Variants in ICA1 observed in about 807,000 individuals in gnomAD.
ICA1 encodes 69 kDa islet cell autoantigen.
Under a neutral mutation model 71.0 loss-of-function variants are expected in ICA1, and 40 were observed. The ratio of observed to expected loss-of-function variants is 0.56; its 90% CI spans 0.44 to 0.73. The LOEUF (loss-of-function observed/expected upper bound fraction) is 0.73, where lower values mean the gene tolerates loss of function less well. Ranked by LOEUF, ICA1 falls within the 30% of genes least tolerant of loss-of-function variation. The pLI is 0.00. For synonymous variants in ICA1, 207 were observed against 209.5 expected (o/e 0.99, Z 0.10); for missense variants, 578 against 576.5 (o/e 1.00, Z -0.03).
At chr7:8,178,334 C>T (rs549618101) in intron 6 of ICA1, among the ~76,000 whole-genome samples, 1 of 152,170 alleles carries the variant, frequency 6.6e-6, no homozygotes, top group Non-Finnish European at 1.5e-5. Context: ...TATTACCTCA[C>T]AAGACACTTA....
rs571615865 is a variant in ICA1 at position 8,232,597 on chromosome 7, T to C, written c.176A>G (p.Lys59Arg). ...CAGCAATAAAGAGCTCACCTCTAGC[T>C]TGGCATCCAGGTCCGCGTCAGAGGC... ...VVASDADLDA[K>R]LELFHSIQRT... Residue 59 changes from lysine to arginine, a missense_variant, in exon 3 of 14, where the codon AAG (lysine) becomes AGG (arginine). Transcript: ENST00000402384. The C allele has an allele frequency of 3.4e-5, 54 of 1,610,512 alleles. 1 individual carries two copies. The South Asian group carries it at 5.5e-4, about 17-fold the overall frequency.
At chr7:8,178,101 C>T (rs1781137605) in intron 6 of ICA1, among the ~76,000 whole-genome samples, 1 of 152,182 alleles carries the variant, frequency 6.6e-6, no homozygotes, top group Non-Finnish European at 1.5e-5. Flanking sequence ...TACAATCTTC[C>T]AGCTCATCAA....
intron 6 of ICA1, among the ~76,000 whole-genome samples, chr7:8,172,117 G>A (rs1331898650): frequency 1.3e-5 from 2 of 152,024 alleles, no homozygotes; most frequent in African/African-American, 4.8e-5. Flanking sequence ...TGAAGTCAAG[G>A]TAGCTGACAG....
intron 6 of ICA1, among the ~76,000 whole-genome samples, chr7:8,169,901 A>AGTGTGT (rs58794085): frequency 0.053 from 7,819 of 147,044 alleles, 584 homozygotes; most frequent in African/African-American, 0.17. Context: ...TTAATGCCTG[A>AGTGTGT]GTGTGTGTGT....
rs972437245 is a variant in ICA1, at chr7:8,132,171, T to C, written c.1061-4029A>G. Among the ~76,000 whole-genome samples, 8 of 152,212 alleles carry C rather than the reference T, an allele frequency of 5.3e-5. No individual in the cohort carries two copies. The highest frequency in any genetic ancestry group is 1.0e-4 in the Non-Finnish European group (7 of 68,042). On this transcript the variant is annotated intron_variant, in intron 12 of 13. Coordinates refer to ENST00000402384, the MANE Select transcript of ICA1 (RefSeq NM_001136020.3). The surrounding 1 kb of genome is among the most constrained non-coding windows in gnomAD (Gnocchi z 4.5). Reference sequence around the variant, plus strand: ...ACTCACATCCTCACCTGTCTCCAACTCCGTGACCTTGCAGGCATTGCCTCT... The same window carrying C: ...ACTCACATCCTCACCTGTCTCCAACCCCGTGACCTTGCAGGCATTGCCTCT...
intron 6 of ICA1, among the ~76,000 whole-genome samples, chr7:8,164,155 A>C (rs115317048): frequency 0.016 from 2,479 of 151,860 alleles, 54 homozygotes; most frequent in African/African-American, 0.057. Context: ...AAATACAAAA[A>C]TTTGATAGTG....
chr7:8,240,430 C>T (rs991047283), intron 1 of ICA1, among the ~76,000 whole-genome samples: 2 of 152,220 alleles, frequency 1.3e-5, no homozygotes, highest in African/African-American at 2.4e-5. Context: ...ACATCAAAGA[C>T]CAAGGGTAGA....
chr7:8,203,994 G>A (rs917267903), intron 6 of ICA1, among the ~76,000 whole-genome samples: 1 of 151,966 alleles, frequency 6.6e-6, no homozygotes, highest in Admixed American at 6.6e-5. Context: ...CCAGAATAAG[G>A]TAGAACAGAA....
At chr7:8,163,222 C>G (rs1804571781) in intron 6 of ICA1, among the ~76,000 whole-genome samples, 1 of 152,172 alleles carries the variant, frequency 6.6e-6, no homozygotes, top group South Asian at 2.1e-4. Context: ...AACTCTTAGC[C>G]CCAAATTGAA....
rs1044025176 is a variant in ICA1, at chr7:8,132,317, G to T, written c.1061-4175C>A. 1.3e-5 allele frequency among the ~76,000 whole-genome samples: 2 copies of T among 151,920 alleles called. No individual in the cohort carries two copies. Among genetic ancestry groups the T allele is most frequent in the Non-Finnish European group, 2.9e-5 (2 of 68,006 alleles). ...TTTCCAATGCTTCCTTCCCCTAGCC[G>T]CAGGAGATGTGTGCCTATCTCAACA... is the stretch of plus-strand genomic sequence containing the variant. On this transcript the variant is annotated intron_variant, in intron 12 of 13. Transcript: ENST00000402384. The surrounding 1 kb of genome is among the most constrained non-coding windows in gnomAD (Gnocchi z 4.5).
intron 6 of ICA1, among the ~76,000 whole-genome samples, chr7:8,172,145 G>T (rs1808599433): frequency 6.6e-6 from 1 of 151,938 alleles, no homozygotes; most frequent in African/African-American, 2.4e-5. Flanking sequence ...TATCCTTATT[G>T]ATTTCTGTCT....
rs760571120 is a variant in ICA1, at chr7:8,228,650, G to A, written c.207C>T (p.Thr69=). The change falls in exon 4 of 14, where the codon ACC becomes ACT. Residue 69 remains threonine (T), a synonymous_variant. Transcript: ENST00000402384. ...KLELFHSIQR[T]CLDLSKAIVL... ...CAATTGCTTTCGATAAGTCCAGACA[G>A]GTTCTCTGAATTGAATGAAACAGCT... 6.3e-7 allele frequency: 1 copy of A among 1,599,792 alleles called. No individual in the cohort carries two copies. Among genetic ancestry groups the A allele is most frequent in the Non-Finnish European group, 8.5e-7 (1 of 1,172,884 alleles).
At chr7:8,154,651 A>T (rs1219457415) in intron 8 of ICA1, among the ~76,000 whole-genome samples, 1 of 152,218 alleles carries the variant, frequency 6.6e-6, no homozygotes, top group Non-Finnish European at 1.5e-5. Flanking sequence ...CAAAATGGCC[A>T]TTATCAACAC....
chr7:8,135,282 C>T lies in ICA1; in HGVS notation c.1060+3558G>A, dbSNP rs559039320. On this transcript the variant is annotated intron_variant, in intron 12 of 13. Transcript: ENST00000402384. Reference sequence around the variant, plus strand: ...CCTCAAGTGATCCGCCCATCTTGTCCTCCCAAAGTGCTGGGATTACAAGTG... The same window carrying T: ...CCTCAAGTGATCCGCCCATCTTGTCTTCCCAAAGTGCTGGGATTACAAGTG... Among the ~76,000 whole-genome samples, 490 of 152,246 alleles carry T rather than the reference C, an allele frequency of 3.2e-3. 2 individuals are homozygous for T. The highest frequency in any genetic ancestry group is 0.011 in the African/African-American group (455 of 41,542).
chr7:8,243,132 T>C (rs188458616), intron 1 of ICA1, among the ~76,000 whole-genome samples: 21 of 152,270 alleles, frequency 1.4e-4, no homozygotes, highest in Admixed American at 1.4e-3. Flanking sequence ...ATTTTAGACC[T>C]ATATCCCTGA....
At chr7:8,152,986 G>C (rs74821728) in intron 8 of ICA1, among the ~76,000 whole-genome samples, 6,958 of 147,774 alleles carry the variant, frequency 0.047, 270 homozygotes, top group East Asian at 0.24. Flanking sequence ...ACTACCACCA[G>C]CACCTCCTCT....
At position 8,235,915 on chromosome 7, in the gene ICA1, G is replaced by A. The variant is rs779789569; in HGVS notation, c.12C>T (p.His4=). Residue 4 remains histidine, a synonymous_variant, in exon 2 of 14, where the codon CAC becomes CAT. Coordinates refer to ENST00000402384, the MANE Select transcript of ICA1 (RefSeq NM_001136020.3). MSG[H]KCSYPWDLQD... ...AAAGATGACAAATTACTTACCATTT[G>A]TGTCCTGACATGTTTTCTTCTTCTT... 2 of 1,613,134 alleles carry A rather than the reference G, an allele frequency of 1.2e-6. No homozygotes were observed. Among genetic ancestry groups the A allele is most frequent in the Non-Finnish European group, 1.7e-6 (2 of 1,179,650 alleles).
At chr7:8,259,265 AT>A (rs1229822378) in intron 1 of ICA1, among the ~76,000 whole-genome samples, 1 of 152,134 alleles carries the variant, frequency 6.6e-6, no homozygotes, top group Non-Finnish European at 1.5e-5. Context: ...AAGATTTTGC[AT>A]TTCTAATAAG....
intron 6 of ICA1, among the ~76,000 whole-genome samples, chr7:8,161,663 C>G (rs963360666): frequency 5.3e-5 from 8 of 152,078 alleles, no homozygotes; most frequent in Non-Finnish European, 1.5e-5. Context: ...ATGCAAGAGA[C>G]GTGAGGAGGA....
Sources: gnomAD v4.1 joint callset for allele counts (sites outside exome capture counted in the v4.1 genomes callset) on GRCh38, gnomAD v4.1.1 for gene constraint, Gnocchi (gnomAD v3.1) non-coding constraint, MANE v1.5 for transcripts, NCBI Gene and HGNC (gene_info 2026-07-23, HGNC 2026-07-21) for gene names.